The following ADAMTS12 variants were observed in gnomAD, a reference collection of about 807,000 sequenced individuals.
ADAMTS12 encodes ADAM metallopeptidase with thrombospondin type 1 motif 12.
A neutral mutation model predicts 167.8 loss-of-function variants in ADAMTS12; 118 were observed. The observed-to-expected ratio is 0.70, with a 90% confidence interval of 0.61 to 0.82. The LOEUF (loss-of-function observed/expected upper bound fraction) is 0.82. ADAMTS12 is among the 40% of genes least tolerant of loss of function. The probability of loss-of-function intolerance (pLI) is 0.00; values close to 1 mark genes in which losing one functional copy is unlikely to be tolerated. For missense variants in ADAMTS12, 1,916 were observed against 1,998.8 expected, an observed-to-expected ratio of 0.96 and a Z score of 0.79; for synonymous variants, 704 against 716.9, an observed-to-expected ratio of 0.98 and a Z score of 0.29.
chr5:33,873,774 C>G (rs1750127695), intron 2 of ADAMTS12, among the ~76,000 whole-genome samples: 1 of 152,158 alleles, frequency 6.6e-6, no homozygotes, highest in Non-Finnish European at 1.5e-5. Context: ...ATCAACTTAT[C>G]TTTGACAAAG....
chr5:33,576,229 C>T lies in ADAMTS12; in HGVS notation c.3797G>A (p.Arg1266His), dbSNP rs752972657. ...GTTGTTTGGAAGTTTCAGGTGGTTA[C>T]GGTTTGCCGTCTTTCCTGAGGGTTC... ...QPEPSGKTAN[R>H]NHLKLPNNMN... Residue 1266 changes from arginine to histidine, a missense_variant, in exon 19 of 24, where the codon CGT (arginine) becomes CAT (histidine). Physicochemically the swap from Arg to His is conservative, Grantham distance 29. Coordinates refer to ENST00000504830, the MANE Select transcript of ADAMTS12 (RefSeq NM_030955.4). 58 of 1,614,070 alleles carry T rather than the reference C, an allele frequency of 3.6e-5. No homozygotes were observed. Among genetic ancestry groups the T allele is most frequent in the Admixed American group, 1.0e-4 (6 of 60,006 alleles).
chr5:33,785,967 GGA>G (rs942026860), intron 2 of ADAMTS12, among the ~76,000 whole-genome samples: 95 of 152,228 alleles, frequency 6.2e-4, no homozygotes, highest in African/African-American at 2.3e-3. Flanking sequence ...GCAATACAAT[GGA>G]ATACTATTCA....
intron 2 of ADAMTS12, among the ~76,000 whole-genome samples, chr5:33,849,144 G>T: frequency 1.1e-5 from 1 of 91,412 alleles, no homozygotes; most frequent in Non-Finnish European, 2.2e-5. Flanking sequence ...TATATGTATT[G>T]CATAGCAATA....
intron 17 of ADAMTS12, among the ~76,000 whole-genome samples, chr5:33,592,235 A>G (rs1747680059): frequency 6.6e-6 from 1 of 151,174 alleles, no homozygotes; most frequent in South Asian, 2.1e-4. Flanking sequence ...GTCTCAAAAC[A>G]AACAAACAAA....
chr5:33,654,940 CA>C (rs1265754780), intron 7 of ADAMTS12, among the ~76,000 whole-genome samples: 11 of 147,572 alleles, frequency 7.5e-5, no homozygotes, highest in Middle Eastern at 3.6e-3. Context: ...TCATCAGTTC[CA>C]AGTCTGGCAT....
intron 18 of ADAMTS12, among the ~76,000 whole-genome samples, chr5:33,583,797 A>C (rs921348342): frequency 9.9e-5 from 15 of 152,128 alleles, no homozygotes; most frequent in African/African-American, 3.6e-4. Flanking sequence ...CCTTCTTTTG[A>C]GAAATGTCTA....
chr5:33,753,110 A>G (rs970552893), intron 2 of ADAMTS12, among the ~76,000 whole-genome samples: 7 of 152,210 alleles, frequency 4.6e-5, no homozygotes, highest in Non-Finnish European at 1.0e-4. Context: ...CCTCTTCTGT[A>G]AAAGGGGGCA....
chr5:33,693,846 G>C (rs998509944), intron 3 of ADAMTS12, among the ~76,000 whole-genome samples: 5 of 152,042 alleles, frequency 3.3e-5, no homozygotes, highest in African/African-American at 9.7e-5. Context: ...AGAAATAAAA[G>C]GTATCCAAAT....
chr5:33,613,815 A>T (rs1256237690), intron 16 of ADAMTS12, among the ~76,000 whole-genome samples: 1 of 152,148 alleles, frequency 6.6e-6, no homozygotes, highest in Non-Finnish European at 1.5e-5. Flanking sequence ...AATAAACAGG[A>T]GATGGAGAAA....
intron 3 of ADAMTS12, among the ~76,000 whole-genome samples, chr5:33,692,047 T>C (rs1422842128): frequency 6.6e-6 from 1 of 152,232 alleles, no homozygotes; most frequent in Non-Finnish European, 1.5e-5. Context: ...CCTGAGGCAA[T>C]TTGTGCCTTC....
chr5:33,606,104 C>T (rs4455561), intron 16 of ADAMTS12, among the ~76,000 whole-genome samples: 87,765 of 151,604 alleles, frequency 0.58, 25,638 homozygotes, highest in East Asian at 0.82. Flanking sequence ...CACATCACCA[C>T]GCCTGGCTAA....
chr5:33,532,960 TTC>T (rs1422721447), intron 23 of ADAMTS12, among the ~76,000 whole-genome samples: 1 of 152,348 alleles, frequency 6.6e-6, no homozygotes, highest in East Asian at 1.9e-4. Context: ...CAACTCTTCT[TTC>T]ATTTTCCTTC....
At chr5:33,531,082 C>A (rs1744077037) in intron 23 of ADAMTS12, among the ~76,000 whole-genome samples, 1 of 152,144 alleles carries the variant, frequency 6.6e-6, no homozygotes, top group South Asian at 2.1e-4. Flanking sequence ...AAAAGCCGTG[C>A]TGAGACACAG....
chr5:33,814,792 A>G (rs1747587190), intron 2 of ADAMTS12, among the ~76,000 whole-genome samples: 1 of 152,234 alleles, frequency 6.6e-6, no homozygotes, highest in Admixed American at 6.5e-5. Context: ...AGTGACAATG[A>G]TAAGTCAACT....
At chr5:33,583,407 G>A (rs759990025) in intron 18 of ADAMTS12, among the ~76,000 whole-genome samples, 2 of 152,060 alleles carry the variant, frequency 1.3e-5, no homozygotes, top group Non-Finnish European at 2.9e-5. Flanking sequence ...GGGACACTTG[G>A]GTTGCTTCCA....
At chr5:33,578,362 A>T (rs1162724689) in intron 18 of ADAMTS12, among the ~76,000 whole-genome samples, 5 of 152,214 alleles carry the variant, frequency 3.3e-5, no homozygotes, top group Non-Finnish European at 5.9e-5. Flanking sequence ...CTCACTTGAA[A>T]GGCGGCAAGT....
chr5:33,729,003 G>C (rs1334398297), intron 3 of ADAMTS12, among the ~76,000 whole-genome samples: 1 of 152,148 alleles, frequency 6.6e-6, no homozygotes, highest in African/African-American at 2.4e-5. Context: ...TACATGATAT[G>C]TATACATGTT....
At chr5:33,733,019 ATATAT>A (rs1309153613) in intron 3 of ADAMTS12, among the ~76,000 whole-genome samples, 4 of 151,426 alleles carry the variant, frequency 2.6e-5, no homozygotes, top group African/African-American at 7.3e-5. Context: ...GGGTTTTATT[ATATAT>A]TATATTATAT....
chr5:33,587,095 T>C (rs1362037097), intron 18 of ADAMTS12, among the ~76,000 whole-genome samples: 3 of 152,074 alleles, frequency 2.0e-5, no homozygotes, highest in Non-Finnish European at 4.4e-5. Context: ...CTGTACAGAT[T>C]CAGAAGGTAA....
Sources: gnomAD v4.1 joint callset for allele counts (sites outside exome capture counted in the v4.1 genomes callset) on GRCh38, gnomAD v4.1.1 for gene constraint, MANE v1.5 for transcripts, NCBI Gene and HGNC (gene_info 2026-07-23, HGNC 2026-07-21) for gene names.